The following MAGI2 variants were observed in gnomAD, a reference collection of about 807,000 sequenced individuals.
The protein encoded by MAGI2 is membrane-associated guanylate kinase, WW and PDZ domain-containing protein 2.
A neutral mutation model predicts 133.3 loss-of-function variants in MAGI2; 35 were observed. The ratio of observed to expected loss-of-function variants is 0.26; its 90% confidence interval spans 0.20 to 0.35. The LOEUF (loss-of-function observed/expected upper bound fraction) is 0.35, where lower values mean the gene tolerates loss of function less well. Among genes scored for constraint, MAGI2 ranks in the 10% least tolerant of loss-of-function variants. The pLI is 1.00. For missense variants in MAGI2, 1,636 were observed against 1,863.4 expected, an observed-to-expected ratio of 0.88 and a Z score of 2.25; for synonymous variants, 729 against 710.6, an observed-to-expected ratio of 1.03 and a Z score of -0.41.
chr7:78,958,589 G>A (rs927658307), intron 2 of MAGI2, among the ~76,000 whole-genome samples: 11 of 152,108 alleles, frequency 7.2e-5, no homozygotes, highest in Non-Finnish European at 8.8e-5. Flanking sequence ...TGTATAAAAA[G>A]TAATTATAGT....
chr7:78,670,480 A>G (rs1382882174), intron 2 of MAGI2, among the ~76,000 whole-genome samples: 1 of 152,258 alleles, frequency 6.6e-6, no homozygotes, highest in Non-Finnish European at 1.5e-5. Context: ...CAATATCATG[A>G]AAATGGCCAT....
At chr7:78,534,041 T>A (rs1298652089) in intron 3 of MAGI2, among the ~76,000 whole-genome samples, 1 of 152,152 alleles carries the variant, frequency 6.6e-6, no homozygotes, top group Non-Finnish European at 1.5e-5. Flanking sequence ...GCAGCAAACA[T>A]TTACTGATAG....
At chr7:79,051,052 C>T (rs992192867) in intron 1 of MAGI2, among the ~76,000 whole-genome samples, 1 of 152,162 alleles carries the variant, frequency 6.6e-6, no homozygotes, top group African/African-American at 2.4e-5. Flanking sequence ...TCACAAAATA[C>T]AAAACATCCC....
At position 78,649,188 on chromosome 7, in the gene MAGI2, T is replaced by TTTA. The variant is rs1811230732; in HGVS notation, c.419-21952_419-21950dup. ...TGAAAGAAACAGTAATCTTCACTGT[T>TTTA]TTATGCCTGTTTCTTTTTTGGGATG... is the stretch of plus-strand genomic sequence containing the variant. On this transcript the variant is annotated intron_variant, in intron 2 of 21. Transcript: ENST00000354212. 2.2e-5 allele frequency among the ~76,000 whole-genome samples: 3 copies of TTTA among 133,368 alleles called. No individual in the cohort carries two copies. The East Asian group carries it at 6.3e-4, about 28-fold the overall frequency. 87.5% of individuals were successfully genotyped at this position (133,368 alleles called of 152,430 possible).
chr7:78,411,362 T>A (rs896726031), intron 6 of MAGI2, among the ~76,000 whole-genome samples: 5 of 152,010 alleles, frequency 3.3e-5, no homozygotes, highest in African/African-American at 1.2e-4. Flanking sequence ...TTTCTTACTT[T>A]ATCTTTGAAT....
At chr7:78,363,739 T>C (rs1401976740) in intron 7 of MAGI2, among the ~76,000 whole-genome samples, 1 of 152,092 alleles carries the variant, frequency 6.6e-6, no homozygotes, top group Non-Finnish European at 1.5e-5. Context: ...CTAACATTTA[T>C]TGAACAGTTA....
At chr7:78,975,919 T>G (rs983427216) in intron 2 of MAGI2, among the ~76,000 whole-genome samples, 5 of 151,668 alleles carry the variant, frequency 3.3e-5, no homozygotes, top group African/African-American at 1.2e-4. Context: ...AAAACTTACA[T>G]GAAATGAATC....
chr7:78,450,434 A>G (rs1183737262), intron 6 of MAGI2, among the ~76,000 whole-genome samples: 1 of 152,110 alleles, frequency 6.6e-6, no homozygotes, highest in African/African-American at 2.4e-5. Context: ...GGAATAAATT[A>G]ATCAACTCAA....
intron 1 of MAGI2, among the ~76,000 whole-genome samples, chr7:79,388,424 T>C (rs1169801540): frequency 6.6e-6 from 1 of 151,930 alleles, no homozygotes; most frequent in South Asian, 2.1e-4. Context: ...TTATTTTATT[T>C]AACAATGACA....
At chr7:78,974,206 AC>A (rs1303365297) in intron 2 of MAGI2, among the ~76,000 whole-genome samples, 1 of 151,790 alleles carries the variant, frequency 6.6e-6, no homozygotes, top group Non-Finnish European at 1.5e-5. Context: ...GAAAAAAAAA[AC>A]AAAAACCCTA....
chr7:79,157,386 C>T (rs1443977061), intron 1 of MAGI2, among the ~76,000 whole-genome samples: 1 of 151,850 alleles, frequency 6.6e-6, no homozygotes, highest in East Asian at 1.9e-4. Flanking sequence ...AAGGGCTGAT[C>T]ACCCAGTGTT....
intron 3 of MAGI2, among the ~76,000 whole-genome samples, chr7:78,610,505 G>A (rs1584832506): frequency 6.6e-6 from 1 of 152,212 alleles, no homozygotes; most frequent in East Asian, 1.9e-4. Context: ...TCCAGAACAT[G>A]AGTCCTGGGG....
At chr7:78,296,808 A>G (rs1797293815) in intron 9 of MAGI2, among the ~76,000 whole-genome samples, 1 of 152,190 alleles carries the variant, frequency 6.6e-6, no homozygotes, top group African/African-American at 2.4e-5. Flanking sequence ...TAGCTTTGGA[A>G]ATGAGCCAAT....
chr7:79,165,408 T>C (rs1243235940), intron 1 of MAGI2, among the ~76,000 whole-genome samples: 1 of 152,084 alleles, frequency 6.6e-6, no homozygotes, highest in Non-Finnish European at 1.5e-5. Context: ...AAAAAAACCC[T>C]CTAGTGAATT....
At chr7:78,066,041 C>A (rs1443280731) in intron 21 of MAGI2, among the ~76,000 whole-genome samples, 1 of 152,090 alleles carries the variant, frequency 6.6e-6, no homozygotes. Context: ...GAATCAGTCA[C>A]AGTAATCATT....
At chr7:78,756,362 G>C (rs1017942491) in intron 2 of MAGI2, among the ~76,000 whole-genome samples, 1 of 151,990 alleles carries the variant, frequency 6.6e-6, no homozygotes, top group South Asian at 2.1e-4. Flanking sequence ...TTAATGATGT[G>C]GATTAATAAC....
chr7:78,062,274 G>C (rs1299632750), intron 21 of MAGI2, among the ~76,000 whole-genome samples: 1 of 152,202 alleles, frequency 6.6e-6, no homozygotes, highest in Non-Finnish European at 1.5e-5. Context: ...TCCACACTGG[G>C]TGGGTTCCTG....
rs549230514 is a variant in MAGI2, at chr7:78,669,406, C to A, written c.419-42167G>T. On this transcript the variant is annotated intron_variant, in intron 2 of 21. Coordinates refer to ENST00000354212, the MANE Select transcript of MAGI2 (RefSeq NM_012301.4). ...AATCTCTGAATAGACCAATAACAGGCTCTGAAATTGTGGCAATAATCAATA... is the reference window on the plus strand; with the variant it reads ...AATCTCTGAATAGACCAATAACAGGATCTGAAATTGTGGCAATAATCAATA... Among the ~76,000 whole-genome samples the A allele has an allele frequency of 2.6e-3, 388 of 152,116 alleles. 2 individuals are homozygous for A. The highest frequency in any genetic ancestry group is 8.2e-3 in the African/African-American group (341 of 41,482).
chr7:78,447,991 A>C (rs1463437201), intron 6 of MAGI2, among the ~76,000 whole-genome samples: 2 of 152,084 alleles, frequency 1.3e-5, no homozygotes, highest in Non-Finnish European at 2.9e-5. Flanking sequence ...ACTTCTTTAG[A>C]TTCTACATAT....
Sources: gnomAD v4.1 joint callset for allele counts (sites outside exome capture counted in the v4.1 genomes callset) on GRCh38, gnomAD v4.1.1 for gene constraint, MANE v1.5 for transcripts, NCBI Gene and HGNC (gene_info 2026-07-23, HGNC 2026-07-21) for gene names.